Variants in CDH13 observed in about 807,000 individuals in gnomAD.
CDH13 encodes cadherin-13.
Under a neutral mutation model 63.8 loss-of-function variants are expected in CDH13, and 24 were observed. The ratio of observed to expected loss-of-function variants is 0.38; its 90% CI spans 0.27 to 0.53. The LOEUF (loss-of-function observed/expected upper bound fraction) is 0.53. Among genes scored for constraint, CDH13 ranks in the 20% least tolerant of loss-of-function variants. The pLI is 0.85. For synonymous variants in CDH13, 503 were observed against 355.3 expected, an observed-to-expected ratio of 1.42 and a Z score of -4.67; for missense variants, 1,049 against 903.1, an observed-to-expected ratio of 1.16 and a Z score of -2.07.
At chr16:83,147,063 G>A (rs1323554855) in intron 4 of CDH13, among the ~76,000 whole-genome samples, 2 of 152,070 alleles carry the variant, frequency 1.3e-5, no homozygotes, top group Non-Finnish European at 2.9e-5. Flanking sequence ...ACTCTGGCCT[G>A]GGCAACAGAG....
chr16:82,883,497 G>A (rs1022711454), intron 2 of CDH13, among the ~76,000 whole-genome samples: 3 of 152,206 alleles, frequency 2.0e-5, no homozygotes, highest in Non-Finnish European at 4.4e-5. Context: ...GTTTTCCATC[G>A]ACTATCTCAG....
intron 1 of CDH13, among the ~76,000 whole-genome samples, chr16:82,645,483 C>T (rs1036094222): frequency 2.6e-5 from 4 of 151,830 alleles, no homozygotes; most frequent in Non-Finnish European, 5.9e-5. Flanking sequence ...TTTTTCACAA[C>T]CTGGGGAGGG....
intron 4 of CDH13, among the ~76,000 whole-genome samples, chr16:83,159,999 C>T (rs1455180836): frequency 6.6e-6 from 1 of 151,998 alleles, no homozygotes; most frequent in Non-Finnish European, 1.5e-5. Context: ...TTGCTTGAAC[C>T]CAGGAGGCAG....
At chr16:83,576,502 A>C (rs1239967208) in intron 7 of CDH13, among the ~76,000 whole-genome samples, 1 of 152,108 alleles carries the variant, frequency 6.6e-6, no homozygotes, top group Non-Finnish European at 1.5e-5. Context: ...GCCTGTTTCT[A>C]ATTCTTTGGG....
intron 3 of CDH13, among the ~76,000 whole-genome samples, chr16:83,070,778 C>T (rs78564967): frequency 6.6e-6 from 1 of 151,612 alleles, no homozygotes; most frequent in Admixed American, 6.6e-5. Context: ...AATGTAAAAA[C>T]CTAGTTCAGC....
At chr16:82,908,245 C>T (rs1277505683) in intron 2 of CDH13, among the ~76,000 whole-genome samples, 1 of 152,104 alleles carries the variant, frequency 6.6e-6, no homozygotes, top group African/African-American at 2.4e-5. Context: ...TGATGGGTAG[C>T]TAGAACCTGA....
At chr16:83,190,485 G>T (rs33950473) in intron 4 of CDH13, among the ~76,000 whole-genome samples, 1 of 152,040 alleles carries the variant, frequency 6.6e-6, no homozygotes, top group African/African-American at 2.4e-5. Flanking sequence ...TTTATTTTCA[G>T]TTGCCACCAT....
intron 6 of CDH13, among the ~76,000 whole-genome samples, chr16:83,424,878 C>A (rs529119418): frequency 4.6e-5 from 7 of 152,298 alleles, no homozygotes; most frequent in Admixed American, 1.3e-4. Context: ...GCCCTACACT[C>A]ACACAGACAA....
At chr16:83,258,038 A>G (rs1315777335) in intron 5 of CDH13, among the ~76,000 whole-genome samples, 9 of 152,214 alleles carry the variant, frequency 5.9e-5, no homozygotes, top group Admixed American at 4.6e-4. Context: ...TGAAGAATTT[A>G]TTCTTGCATA....
At position 83,670,991 on chromosome 16, in the gene CDH13, G is replaced by C. The variant is rs1033896292; in HGVS notation, c.1284+19G>C. On this transcript the variant is annotated intron_variant, in intron 9 of 13. Transcript: ENST00000567109. ...TGTCAAAGTAAGGGTGCTTCCAATT[G>C]CCTCTTTCTCCTCATGCGAGCACGG... is the stretch of plus-strand genomic sequence containing the variant. The C allele has an allele frequency of 1.9e-6, 3 of 1,564,532 alleles. No homozygotes were observed. Among genetic ancestry groups the C allele is most frequent in the Non-Finnish European group, 2.6e-6 (3 of 1,153,056 alleles).
At chr16:83,402,796 A>G in intron 6 of CDH13, among the ~76,000 whole-genome samples, 1 of 152,200 alleles carries the variant, frequency 6.6e-6, no homozygotes, top group East Asian at 1.9e-4. Context: ...TCTTCTTGGG[A>G]TTTAATTGTA....
intron 5 of CDH13, among the ~76,000 whole-genome samples, chr16:83,231,200 C>A (rs1309519863): frequency 6.6e-6 from 1 of 152,192 alleles, no homozygotes; most frequent in Non-Finnish European, 1.5e-5. Flanking sequence ...ATCCTCACTT[C>A]CCTCTTCTCT....
Position 83,294,600 on chromosome 16 carries a change from GTA to G in CDH13, c.637-50260_637-50259del, listed in dbSNP as rs901754001. Among the ~76,000 whole-genome samples, 14 of 118,730 alleles carry G rather than the reference GTA, an allele frequency of 1.2e-4. No homozygotes were observed. The East Asian group carries it at 1.4e-3, about 12-fold the overall frequency. The allele number at this position is 118,730 out of a possible 152,430, so 77.9% of individuals were successfully genotyped here. ...TCATATAATATATACATATATATGT[GTA>G]TGTGTGTGTGTGTGTGTATATATAT... is the stretch of plus-strand genomic sequence containing the variant. On this transcript the variant is annotated intron_variant, in intron 5 of 13. Transcript: ENST00000567109.
intron 5 of CDH13, among the ~76,000 whole-genome samples, chr16:83,325,264 C>T (rs1424959226): frequency 5.4e-5 from 8 of 149,338 alleles, no homozygotes; most frequent in African/African-American, 1.9e-4. Context: ...ATAGGGGCAC[C>T]TTATCTATCT....
At chr16:83,678,694 T>C (rs1251325528) in intron 10 of CDH13, among the ~76,000 whole-genome samples, 1 of 152,102 alleles carries the variant, frequency 6.6e-6, no homozygotes, top group Non-Finnish European at 1.5e-5. Flanking sequence ...GAAGAGTAGC[T>C]TCAGTGCTGT....
chr16:83,053,112 T>C (rs4315313), intron 3 of CDH13, among the ~76,000 whole-genome samples: 77,938 of 152,014 alleles, frequency 0.51, 22,127 homozygotes, highest in East Asian at 0.64. Flanking sequence ...AGATAATTCA[T>C]GTGAGGCTCT....
intron 8 of CDH13, among the ~76,000 whole-genome samples, chr16:83,610,164 G>A (rs73609751): frequency 0.056 from 8,505 of 151,970 alleles, 296 homozygotes; most frequent in African/African-American, 0.079. Context: ...TGTGAGTAAC[G>A]CTGCTGTGAA....
chr16:83,744,447 T>C (rs1393949834), intron 10 of CDH13, among the ~76,000 whole-genome samples: 1 of 152,232 alleles, frequency 6.6e-6, no homozygotes, highest in Non-Finnish European at 1.5e-5. Flanking sequence ...ATCGCTTCTG[T>C]TTTCACAAAA....
At chr16:83,039,869 A>G (rs1463026282) in intron 3 of CDH13, among the ~76,000 whole-genome samples, 2 of 151,902 alleles carry the variant, frequency 1.3e-5, no homozygotes, top group African/African-American at 4.8e-5. Context: ...CACCTACCCT[A>G]TGGTCAGCAC....
Sources: gnomAD v4.1 joint callset for allele counts (sites outside exome capture counted in the v4.1 genomes callset) on GRCh38, gnomAD v4.1.1 for gene constraint, MANE v1.5 for transcripts, NCBI Gene and HGNC (gene_info 2026-07-23, HGNC 2026-07-21) for gene names.